Variants in P4HB observed in about 807,000 individuals in gnomAD.
P4HB encodes prolyl 4-hydroxylase subunit beta, also known as protein disulfide-isomerase.
P4HB carries 20 observed loss-of-function variants against 52.6 expected under a neutral mutation model. The observed-to-expected ratio is 0.38, with a 90% CI of 0.27 to 0.55. The LOEUF (loss-of-function observed/expected upper bound fraction) is 0.55. P4HB is among the 20% of genes least tolerant of loss of function. P4HB has a pLI of 0.74. For synonymous variants in P4HB, 296 were observed against 277.9 expected, an observed-to-expected ratio of 1.07 and a Z score of -0.65; for missense variants, 601 against 669.2, an observed-to-expected ratio of 0.90 and a Z score of 1.12.
intron 10 of P4HB, 52 bp downstream of exon 10, chr17:81,845,092 G>A (rs2038712359): frequency 2.4e-5 from 33 of 1,391,872 alleles, no homozygotes; most frequent in Non-Finnish European, 3.0e-5. Flanking sequence ...ATGTCCCGTG[G>A]GGCCAAGGGG....
At chr17:81,851,303 G>A (rs889406011) in intron 4 of P4HB, among the ~76,000 whole-genome samples, 4 of 152,196 alleles carry the variant, frequency 2.6e-5, no homozygotes, top group Non-Finnish European at 4.4e-5. Flanking sequence ...CCATGTATGC[G>A]TCTGCAGAGT....
In P4HB at chr17:81,847,353, G is replaced by T. The variant is rs751825914; in HGVS notation, c.625-6C>A. The stretch of plus-strand genomic sequence containing the variant: ...TTGTTCCGGCCTTCATCAAACTGTG[G>T]ACAGAAAGAGGGCCCTGACTGAGCA... On this transcript the variant is annotated splice_region_variant and splice_polypyrimidine_tract_variant and intron_variant, in intron 4 of 10. Transcript: ENST00000331483. 4.4e-6 allele frequency: 7 copies of T among 1,609,074 alleles called. No homozygotes were observed. In the East Asian group the frequency reaches 1.6e-4, roughly 36 times the overall value.
At chr17:81,856,884 G>GC (rs1353049620) in intron 2 of P4HB, among the ~76,000 whole-genome samples, 16 of 151,902 alleles carry the variant, frequency 1.1e-4, no homozygotes, top group African/African-American at 3.9e-4. Context: ...TCCTGACCTC[G>GC]TGATCCGCCC....
Position 81,846,204 on chromosome 17 carries a change from CAGG to C in P4HB, c.1057-216_1057-214del, listed in dbSNP as rs1327393266. ...CCACGCAGGCCGCACCCTCGCCGGC[CAGG>C]AGGTTTCCCTGAGGAGCATCTGGGC... is the stretch of plus-strand genomic sequence containing the variant. On this transcript the variant is annotated intron_variant, in intron 7 of 10. Coordinates refer to ENST00000331483, the MANE Select transcript of P4HB (RefSeq NM_000918.4). This position sits in a 1 kb window ranked among gnomAD's most constrained non-coding sequence, Gnocchi z 5.7. Among the ~76,000 whole-genome samples the C allele has an allele frequency of 1.3e-5, 2 of 152,364 alleles. No homozygotes were observed. The highest frequency in any genetic ancestry group is 1.9e-4 in the East Asian group (1 of 5,188).
rs776525144 is a variant in P4HB at position 81,845,849 on chromosome 17, G to A, written c.1177+22C>T. On this transcript the variant is annotated intron_variant, in intron 8 of 10. Transcript: ENST00000331483. ...CGTGCCCTGGTGGCACGGACCTGGG[G>A]AGCTGAAAGGGCAACACTTACAGAA... is the stretch of plus-strand genomic sequence containing the variant. 12 of 1,613,912 alleles carry A rather than the reference G, an allele frequency of 7.4e-6. No individual in the cohort carries two copies. In the South Asian group the frequency reaches 7.7e-5, roughly 10 times the overall value.
At chr17:81,852,724 C>T (rs902630021) in intron 4 of P4HB, among the ~76,000 whole-genome samples, 4 of 152,194 alleles carry the variant, frequency 2.6e-5, no homozygotes, top group Non-Finnish European at 1.5e-5. Context: ...TGGATGGCCA[C>T]GTGTGAGCCT....
At chr17:81,845,024 G>T in intron 10 of P4HB, 120 bp downstream of exon 10, 4 of 824,162 alleles carry the variant, frequency 4.9e-6, no homozygotes, top group Non-Finnish European at 7.9e-6. Flanking sequence ...CAGAGCCCTG[G>T]ACGCACAGAC....
intron 4 of P4HB, among the ~76,000 whole-genome samples, chr17:81,853,348 G>A (rs1245065646): frequency 2.0e-5 from 3 of 152,108 alleles, no homozygotes; most frequent in Non-Finnish European, 4.4e-5. Context: ...CAAGGCAGGC[G>A]GATCATGAAG....
chr17:81,846,729 C>G lies in P4HB; in HGVS notation c.856-100G>C. 2.3e-6 allele frequency: 3 copies of G among 1,330,624 alleles called. No homozygotes were observed. The South Asian group carries it at 3.7e-5, about 16-fold the overall frequency. 82.4% of individuals were successfully genotyped at this position (1,330,624 alleles called of 1,614,324 possible). A position where few individuals can be genotyped will look rare whatever the true frequency, so the allele number is the denominator to read the frequency against. ...GCAGACCGTGCTCCGGTGCCTTTTT[C>G]CTCCAACCTGGATTCCGGGGTTGCC... On this transcript the variant is annotated intron_variant, in intron 6 of 10. Transcript: ENST00000331483. The surrounding 1 kb of genome is among the most constrained non-coding windows in gnomAD (Gnocchi z 5.7).
At chr17:81,847,423 TG>T in intron 4 of P4HB, 76 bp from the exon 5 acceptor site, 6 of 1,296,860 alleles carry the variant, frequency 4.6e-6, no homozygotes, top group Non-Finnish European at 6.7e-6. Flanking sequence ...TCCCTGGACG[TG>T]GGAAGTCACA....
chr17:81,845,698 C>T lies in P4HB; in HGVS notation c.1222G>A (p.Asp408Asn). Residue 408 changes from aspartate to asparagine, a missense_variant, in exon 9 of 11, where the codon GAT (aspartate) becomes AAT (asparagine). Asp to Asn is a conservative substitution (Grantham distance 23). Transcript: ENST00000331483. ...TCCTTGTACGTCTCTCCCAGTTTAT[C>T]CCAAATGGGAGCCAACTGTTTGCAG... ...GHCKQLAPIW[D>N]KLGETYKDHE... The T allele has an allele frequency of 6.2e-7, 1 of 1,613,788 alleles. No individual in the cohort carries two copies. Among genetic ancestry groups the T allele is most frequent in the Non-Finnish European group, 8.5e-7 (1 of 1,179,742 alleles).
chr17:81,853,136 G>C (rs2038858071), intron 4 of P4HB, among the ~76,000 whole-genome samples: 1 of 152,154 alleles, frequency 6.6e-6, no homozygotes, highest in Non-Finnish European at 1.5e-5. Context: ...GTTATCTTGA[G>C]GAAGTGGCTG....
intron 4 of P4HB, among the ~76,000 whole-genome samples, chr17:81,848,156 T>C (rs2038768295): frequency 6.6e-6 from 1 of 152,194 alleles, no homozygotes; most frequent in Non-Finnish European, 1.5e-5. Context: ...CGCCTCGGCC[T>C]CCCAAAGTGC....
chr17:81,849,333 T>G (rs527239746), intron 4 of P4HB, among the ~76,000 whole-genome samples: 25 of 148,626 alleles, frequency 1.7e-4, no homozygotes, highest in Non-Finnish European at 2.8e-4. Context: ...TCGTCTTTAC[T>G]AGAAATACAA....
intron 4 of P4HB, among the ~76,000 whole-genome samples, chr17:81,850,287 C>T (rs2038808262): frequency 6.6e-6 from 1 of 151,946 alleles, no homozygotes; most frequent in Non-Finnish European, 1.5e-5. Flanking sequence ...TACGCGCCAC[C>T]ACGCCTGGCT....
chr17:81,858,974 G>C, intron 2 of P4HB: 1 of 581,816 alleles, frequency 1.7e-6, no homozygotes, highest in South Asian at 2.0e-5. Flanking sequence ...GACAAGACAG[G>C]TTCTCCATTC....
chr17:81,858,599 C>G (rs1179029458), intron 2 of P4HB, among the ~76,000 whole-genome samples: 3 of 152,186 alleles, frequency 2.0e-5, no homozygotes, highest in Non-Finnish European at 2.9e-5. Context: ...ACGGCAGCTT[C>G]AGAGGCGGCA....
chr17:81,860,422 G>T lies in P4HB; in HGVS notation c.50C>A (p.Ala17Asp). 1.4e-6 allele frequency: 2 copies of T among 1,428,366 alleles called. No homozygotes were observed. Among genetic ancestry groups the T allele is most frequent in the Admixed American group, 5.7e-5 (2 of 34,892 alleles). The allele number at this position is 1,428,366 out of a possible 1,614,324, so 88.5% of individuals were successfully genotyped here. Residue 17 changes from alanine (A) to aspartate (D), a missense_variant, in exon 1 of 11, where the codon GCC (alanine) becomes GAC (aspartate). Transcript: ENST00000331483. ...LCLAVAALVRADAPEEEDHVL... is the reference protein window; with the variant it reads ...LCLAVAALVRDDAPEEEDHVL... The stretch of plus-strand genomic sequence containing the variant: ...GTGGTCCTCCTCCTCGGGGGCGTCG[G>T]CGCGCACCAGGGCGGCCACGGCCAG...
At chr17:81,849,805 TTTTA>T (rs2038799151) in intron 4 of P4HB, among the ~76,000 whole-genome samples, 1 of 151,794 alleles carries the variant, frequency 6.6e-6, no homozygotes, top group Non-Finnish European at 1.5e-5. Flanking sequence ...CGAACTACTT[TTTTA>T]TTTATTTTTA....
Sources: gnomAD v4.1 joint callset for allele counts (sites outside exome capture counted in the v4.1 genomes callset) on GRCh38, gnomAD v4.1.1 for gene constraint, Gnocchi (gnomAD v3.1) non-coding constraint, MANE v1.5 for transcripts, NCBI Gene and HGNC (gene_info 2026-07-23, HGNC 2026-07-21) for gene names.